NEGR1: variants seen among roughly 807,000 people sequenced by gnomAD.
NEGR1 encodes IgLON family member 4.
In NEGR1, 10 loss-of-function variants were observed where a neutral mutation model predicts 40.9. The observed-to-expected ratio is 0.24, with a 90% CI of 0.15 to 0.42. The LOEUF (loss-of-function observed/expected upper bound fraction) is 0.42, where lower values mean the gene tolerates loss of function less well. Among genes scored for constraint, NEGR1 ranks in the 10% least tolerant of loss-of-function variants. The probability of loss-of-function intolerance (pLI) is 1.00; values close to 1 mark genes in which losing one functional copy is unlikely to be tolerated. For missense variants in NEGR1, 352 were observed against 438.9 expected (o/e 0.80, Z 1.77); for synonymous variants, 185 against 166.8 (o/e 1.11, Z -0.84).
At chr1:71,753,356 G>A (rs758718966) in intron 3 of NEGR1, among the ~76,000 whole-genome samples, 5 of 152,038 alleles carry the variant, frequency 3.3e-5, no homozygotes, top group African/African-American at 7.2e-5. Flanking sequence ...AATGAGGATC[G>A]AGGTAGAAGT....
intron 2 of NEGR1, among the ~76,000 whole-genome samples, chr1:71,842,088 A>G (rs1570420210): frequency 2.6e-5 from 4 of 152,160 alleles, no homozygotes; most frequent in African/African-American, 9.7e-5. Context: ...CTATTAGATG[A>G]TTGGTAATAG....
At chr1:71,813,336 C>T (rs1658073635) in intron 2 of NEGR1, among the ~76,000 whole-genome samples, 1 of 152,034 alleles carries the variant, frequency 6.6e-6, no homozygotes, top group Admixed American at 6.6e-5. Context: ...TTGCTGTAGC[C>T]TTATAGGATA....
chr1:71,987,118 C>A (rs190730688), intron 1 of NEGR1, among the ~76,000 whole-genome samples: 1 of 152,046 alleles, frequency 6.6e-6, no homozygotes, highest in Non-Finnish European at 1.5e-5. Flanking sequence ...GTACCTAACC[C>A]GTCTACTTTT....
chr1:71,437,894 G>A (rs1488032413), intron 6 of NEGR1, among the ~76,000 whole-genome samples: 3 of 152,178 alleles, frequency 2.0e-5, no homozygotes, highest in African/African-American at 7.2e-5. Context: ...TCGAAGGAGA[G>A]CTATATTAAA....
intron 1 of NEGR1, among the ~76,000 whole-genome samples, chr1:71,944,904 G>A (rs12404836): frequency 0.12 from 17,953 of 152,046 alleles, 1,151 homozygotes; most frequent in Middle Eastern, 0.22. Flanking sequence ...GTCTTCTCGA[G>A]AAAATGGACT....
chr1:71,443,861 G>T (rs1047955880), intron 6 of NEGR1, among the ~76,000 whole-genome samples: 2 of 152,184 alleles, frequency 1.3e-5, no homozygotes, highest in African/African-American at 4.8e-5. Flanking sequence ...CTGAGGTCCA[G>T]ATTTTCTAGA....
chr1:71,940,153 T>A (rs1645945925), intron 1 of NEGR1, among the ~76,000 whole-genome samples: 1 of 152,152 alleles, frequency 6.6e-6, no homozygotes, highest in East Asian at 1.9e-4. Context: ...TTCAGATCTT[T>A]TTTCTTTGGA....
chr1:72,152,057 A>G (rs6424458), intron 1 of NEGR1, among the ~76,000 whole-genome samples: 6,413 of 151,930 alleles, frequency 0.042, 441 homozygotes, highest in African/African-American at 0.15. Context: ...TGCATACAAC[A>G]GACAAGGATT....
intron 4 of NEGR1, among the ~76,000 whole-genome samples, chr1:71,693,444 T>A (rs1653362092): frequency 6.6e-6 from 1 of 151,676 alleles, no homozygotes; most frequent in African/African-American, 2.4e-5. Flanking sequence ...CAGGAACACA[T>A]CAGTACATCA....
At chr1:71,955,456 A>G (rs1442669765) in intron 1 of NEGR1, among the ~76,000 whole-genome samples, 1 of 152,098 alleles carries the variant, frequency 6.6e-6, no homozygotes, top group Non-Finnish European at 1.5e-5. Flanking sequence ...ACAGACTGCA[A>G]ACTCCCCGAA....
chr1:71,918,494 G>C (rs1250912831), intron 2 of NEGR1, among the ~76,000 whole-genome samples: 2 of 151,880 alleles, frequency 1.3e-5, no homozygotes, highest in Non-Finnish European at 2.9e-5. Context: ...TGGTCTGCAA[G>C]GTATCTTCAT....
intron 1 of NEGR1, among the ~76,000 whole-genome samples, chr1:72,200,058 G>A (rs1426568807): frequency 6.6e-6 from 1 of 151,868 alleles, no homozygotes; most frequent in Non-Finnish European, 1.5e-5. Flanking sequence ...AAAATAGAAT[G>A]CTTATACAGT....
intron 6 of NEGR1, among the ~76,000 whole-genome samples, chr1:71,455,665 C>T (rs1646667568): frequency 6.6e-6 from 1 of 152,166 alleles, no homozygotes; most frequent in African/African-American, 2.4e-5. Flanking sequence ...GCGGAGGTTG[C>T]AGTGAGCTGA....
intron 6 of NEGR1, among the ~76,000 whole-genome samples, chr1:71,482,686 G>A (rs1004130379): frequency 3.3e-5 from 5 of 151,774 alleles, no homozygotes; most frequent in Admixed American, 1.3e-4. Flanking sequence ...TCTTCAAACC[G>A]CGTAAGGCAA....
intron 2 of NEGR1, among the ~76,000 whole-genome samples, chr1:71,825,080 C>T (rs1438890874): frequency 6.6e-6 from 1 of 151,860 alleles, no homozygotes; most frequent in Non-Finnish European, 1.5e-5. Context: ...CCAAACTATT[C>T]TCCAAAAGGA....
intron 6 of NEGR1, among the ~76,000 whole-genome samples, chr1:71,522,948 C>T (rs1038045748): frequency 6.6e-6 from 1 of 151,942 alleles, no homozygotes; most frequent in Non-Finnish European, 1.5e-5. Flanking sequence ...ATAAAGTCCT[C>T]TTGGCCTTAT....
chr1:71,988,471 G>A (rs1310078635), intron 1 of NEGR1, among the ~76,000 whole-genome samples: 3 of 148,354 alleles, frequency 2.0e-5, no homozygotes, highest in African/African-American at 5.0e-5. Context: ...CCCGGGAAGC[G>A]GAGCTTGCAG....
chr1:71,858,846 A>ATTATTAT (rs1231339323), intron 2 of NEGR1, among the ~76,000 whole-genome samples: 1 of 152,012 alleles, frequency 6.6e-6, no homozygotes, highest in Non-Finnish European at 1.5e-5. Flanking sequence ...TCAGCCCTAT[A>ATTATTAT]TTATTATTTT....
chr1:71,878,450 A>T (rs1025828543), intron 2 of NEGR1, among the ~76,000 whole-genome samples: 16 of 152,180 alleles, frequency 1.1e-4, no homozygotes, highest in African/African-American at 3.9e-4. Context: ...GTTCTCAGGA[A>T]TGTTGTTATT....
Sources: allele counts gnomAD v4.1 joint callset (sites outside exome capture counted in the v4.1 genomes callset), GRCh38; gene constraint gnomAD v4.1.1; transcripts MANE v1.5; gene names NCBI Gene and HGNC (gene_info 2026-07-23, HGNC 2026-07-21).